SEL1L2: variants seen among roughly 807,000 people sequenced by gnomAD.
SEL1L2 encodes the protein SEL1L2 adaptor subunit of SYVN1 ubiquitin ligase, also known as protein sel-1 homolog 2.
SEL1L2 carries 89 observed loss-of-function variants against 98.8 expected under a neutral mutation model. The ratio of observed to expected loss-of-function variants is 0.90; its 90% CI spans 0.76 to 1.07. SEL1L2 has a LOEUF of 1.07. Ranked by LOEUF, SEL1L2 falls within the 50% of genes least tolerant of loss-of-function variation. The pLI is 0.00. For missense variants in SEL1L2, 788 were observed against 812.0 expected, an observed-to-expected ratio of 0.97 and a Z score of 0.36; for synonymous variants, 262 against 278.5, an observed-to-expected ratio of 0.94 and a Z score of 0.59.
At chr20:13,986,690 C>G (rs1399181597) in intron 1 of SEL1L2, among the ~76,000 whole-genome samples, 1 of 152,088 alleles carries the variant, frequency 6.6e-6, no homozygotes, top group Non-Finnish European at 1.5e-5. Flanking sequence ...CCTTTAAGCT[C>G]TAATGAATAA....
chr20:13,854,546 T>G (rs749595848), intron 18 of SEL1L2, among the ~76,000 whole-genome samples: 14 of 152,204 alleles, frequency 9.2e-5, no homozygotes, highest in Non-Finnish European at 1.8e-4. Context: ...TATACATGAC[T>G]GTCATTTTAG....
chr20:13,993,989 T>G (rs1399622494), upstream of SEL1L2, among the ~76,000 whole-genome samples: 2 of 152,282 alleles, frequency 1.3e-5, no homozygotes, highest in African/African-American at 2.4e-5. Context: ...TTATCCCAAA[T>G]CTATTTTTTT....
intron 2 of SEL1L2, among the ~76,000 whole-genome samples, chr20:13,939,683 T>TTTTTTTTTTTA (rs2049655662): frequency 9.0e-5 from 12 of 133,668 alleles, no homozygotes; most frequent in South Asian, 4.9e-4. Context: ...TTTTTTTTTT[T>TTTTTTTTTTTA]GAGACAGAGT....
intron 14 of SEL1L2, 145 bp downstream of exon 14, chr20:13,869,358 G>T: frequency 3.1e-6 from 2 of 653,812 alleles, no homozygotes; most frequent in South Asian, 2.0e-5. Context: ...CTTTTCTTTA[G>T]GCTTTTTCAA....
Position 13,931,626 on chromosome 20 carries a change from A to G in SEL1L2, c.260T>C (p.Ile87Thr). The G allele has an allele frequency of 7.0e-7, 1 of 1,424,352 alleles. No homozygotes were observed. Among genetic ancestry groups the G allele is most frequent in the South Asian group, 1.3e-5 (1 of 77,880 alleles). The allele number at this position is 1,424,352 out of a possible 1,614,324, so 88.2% of individuals were successfully genotyped here. ...ACAATGATTCTTATTTCTCTTCAAG[A>G]TATCTTTATTTTGAATTCCTTTTAT... ...IRIKGIQNKD[I>T]LKRNKNHLQK... Residue 87 changes from isoleucine to threonine, a missense_variant, in exon 3 of 20, where the codon ATC becomes ACC. Physicochemically the swap from Ile to Thr is moderately conservative, Grantham distance 89. Coordinates refer to ENST00000284951, the MANE Select transcript of SEL1L2 (RefSeq NM_025229.2).
chr20:13,888,635 C>CTTTTTTTT lies in SEL1L2; in HGVS notation c.550-131_550-124dup, dbSNP rs71188192. ...TTGCATTGTTAATTTCTTTCTTTCT[C>CTTTTTTTT]TTTTTTTTTTTTTTTTTTTTTGAGA... On this transcript the variant is annotated intron_variant, in intron 5 of 19. Transcript: ENST00000284951. 1.0e-3 allele frequency: 215 copies of CTTTTTTTT among 206,452 alleles called. 2 individuals are homozygous for CTTTTTTTT. The highest frequency in any genetic ancestry group is 2.4e-3 in the East Asian group (11 of 4,572). 12.8% of individuals were successfully genotyped at this position (206,452 alleles called of 1,614,324 possible).
At chr20:13,964,218 A>G (rs2050921213) in intron 1 of SEL1L2, among the ~76,000 whole-genome samples, 1 of 152,064 alleles carries the variant, frequency 6.6e-6, no homozygotes, top group African/African-American at 2.4e-5. Context: ...CTAACAGTCA[A>G]AGAAAATATG....
At chr20:13,966,452 G>A (rs2051047469) in intron 1 of SEL1L2, among the ~76,000 whole-genome samples, 1 of 152,056 alleles carries the variant, frequency 6.6e-6, no homozygotes, top group African/African-American at 2.4e-5. Flanking sequence ...TTGAGTAGCA[G>A]GAATTACAGG....
intron 15 of SEL1L2, among the ~76,000 whole-genome samples, chr20:13,866,035 T>C (rs973162386): frequency 6.6e-6 from 1 of 152,194 alleles, no homozygotes; most frequent in African/African-American, 2.4e-5. Flanking sequence ...ATAGCCCTTA[T>C]GTAACCAAAA....
intron 10 of SEL1L2, among the ~76,000 whole-genome samples, chr20:13,883,952 C>G (rs1265263299): frequency 6.6e-6 from 1 of 152,110 alleles, no homozygotes; most frequent in Non-Finnish European, 1.5e-5. Context: ...ATCTAAGAAG[C>G]TAGAACTTTG....
chr20:13,903,532 T>C (rs2047778888), intron 5 of SEL1L2, among the ~76,000 whole-genome samples: 1 of 152,202 alleles, frequency 6.6e-6, no homozygotes, highest in South Asian at 2.1e-4. Flanking sequence ...GGCAACACTC[T>C]AGTCTTTGCT....
intron 18 of SEL1L2, among the ~76,000 whole-genome samples, chr20:13,858,090 GCTAAT>G (rs1989448089): frequency 6.6e-6 from 1 of 152,108 alleles, no homozygotes; most frequent in African/African-American, 2.4e-5. Flanking sequence ...GGGTGCCAGG[GCTAAT>G]GAAAAATGAT....
chr20:13,876,412 T>C (rs1220800072), intron 11 of SEL1L2, among the ~76,000 whole-genome samples: 2 of 141,428 alleles, frequency 1.4e-5, no homozygotes, highest in Non-Finnish European at 3.0e-5. Flanking sequence ...CTCTCTTTTT[T>C]TTTTTTTTTT....
At chr20:13,917,611 T>C (rs1312104993) in intron 4 of SEL1L2, among the ~76,000 whole-genome samples, 1 of 152,102 alleles carries the variant, frequency 6.6e-6, no homozygotes, top group African/African-American at 2.4e-5. Context: ...TGTATTTTTA[T>C]ACTTCTCAAA....
chr20:13,985,086 C>A (rs1166142852), intron 1 of SEL1L2, among the ~76,000 whole-genome samples: 3 of 151,922 alleles, frequency 2.0e-5, no homozygotes, highest in African/African-American at 7.3e-5. Flanking sequence ...TTTAACCAAC[C>A]GTTGGATATC....
Position 13,913,905 on chromosome 20 carries a change from G to A in SEL1L2, c.426C>T (p.Asn142=). Residue 142 remains asparagine, a synonymous_variant, in exon 5 of 20, where the codon AAC becomes AAT. Coordinates refer to ENST00000284951, the MANE Select transcript of SEL1L2 (RefSeq NM_025229.2). ...LLFAKAADMG[N]LKAMEKMADA... ...CAGCCATTTTCTCCATAGCTTTCAA[G>A]TTTCCCATGTCAGCTGCTTTGGCAA... 7 of 1,562,880 alleles carry A rather than the reference G, an allele frequency of 4.5e-6. No homozygotes were observed. The highest frequency in any genetic ancestry group is 6.0e-6 in the Non-Finnish European group (7 of 1,162,902).
chr20:13,871,807 C>T lies in SEL1L2; in HGVS notation c.1105-1604G>A, dbSNP rs6135000. The stretch of plus-strand genomic sequence containing the variant: ...GATTACAGGCGTGAGACACCGCACC[C>T]TGCCGACCAACTGACTTTGATTCAG... On this transcript the variant is annotated intron_variant, in intron 12 of 19. Transcript: ENST00000284951. Among the ~76,000 whole-genome samples, 1,301 of 152,258 alleles carry T rather than the reference C, an allele frequency of 8.5e-3. 37 individuals carry two copies. The East Asian group carries it at 0.094, about 11-fold the overall frequency.
At chr20:13,959,359 G>T (rs2050682625) in intron 1 of SEL1L2, among the ~76,000 whole-genome samples, 1 of 152,066 alleles carries the variant, frequency 6.6e-6, no homozygotes, top group South Asian at 2.1e-4. Context: ...TCACTGTTTG[G>T]TGGTCTGCTG....
intron 18 of SEL1L2, among the ~76,000 whole-genome samples, chr20:13,856,856 AG>A (rs1989246941): frequency 6.6e-6 from 1 of 152,170 alleles, no homozygotes; most frequent in East Asian, 1.9e-4. Flanking sequence ...CTTTCTCACT[AG>A]TTTGCATGAG....
Sources: gnomAD v4.1 joint callset for allele counts (sites outside exome capture counted in the v4.1 genomes callset) on GRCh38, gnomAD v4.1.1 for gene constraint, MANE v1.5 for transcripts, NCBI Gene and HGNC (gene_info 2026-07-23, HGNC 2026-07-21) for gene names.